SORCS3: variants seen among roughly 807,000 people sequenced by gnomAD.
SORCS3 encodes VPS10 domain-containing receptor SorCS3.
Under a neutral mutation model 146.3 loss-of-function variants are expected in SORCS3, and 57 were observed. The observed-to-expected ratio is 0.39, with a 90% CI of 0.31 to 0.49. The LOEUF (loss-of-function observed/expected upper bound fraction) is 0.49. Among genes scored for constraint, SORCS3 ranks in the 20% least tolerant of loss-of-function variants. The pLI is 0.92. For synonymous variants in SORCS3, 653 were observed against 618.5 expected, an observed-to-expected ratio of 1.06 and a Z score of -0.83; for missense variants, 1,341 against 1,575.5, an observed-to-expected ratio of 0.85 and a Z score of 2.52.
At chr10:104,809,958 C>A (rs1026486651) in intron 1 of SORCS3, among the ~76,000 whole-genome samples, 5 of 152,204 alleles carry the variant, frequency 3.3e-5, no homozygotes, top group Admixed American at 2.0e-4. Flanking sequence ...GAAGCCTCAG[C>A]CCCCTGGGAT....
At chr10:104,878,161 G>C (rs931692875) in intron 2 of SORCS3, among the ~76,000 whole-genome samples, 3 of 152,008 alleles carry the variant, frequency 2.0e-5, no homozygotes, top group African/African-American at 4.8e-5. Flanking sequence ...CAATCACTTG[G>C]CCAATATCTG....
chr10:105,166,612 A>T (rs889776234), intron 12 of SORCS3, among the ~76,000 whole-genome samples: 2 of 152,132 alleles, frequency 1.3e-5, no homozygotes, highest in African/African-American at 4.8e-5. Context: ...TGAATGAGTG[A>T]ATGGATGGAT....
chr10:105,184,813 G>A (rs2056465146), intron 14 of SORCS3, among the ~76,000 whole-genome samples: 1 of 151,782 alleles, frequency 6.6e-6, no homozygotes, highest in South Asian at 2.1e-4. Context: ...AGTTTTTTTG[G>A]GTAAGAACAT....
chr10:104,965,498 G>C (rs192056092), intron 3 of SORCS3, among the ~76,000 whole-genome samples: 2 of 152,172 alleles, frequency 1.3e-5, no homozygotes, highest in East Asian at 3.8e-4. Flanking sequence ...CCACCATACT[G>C]TTTTCTGTAG....
At chr10:105,115,033 G>T (rs1156729230) in intron 7 of SORCS3, among the ~76,000 whole-genome samples, 3 of 152,122 alleles carry the variant, frequency 2.0e-5, no homozygotes, top group African/African-American at 4.8e-5. Context: ...ACAGATACTT[G>T]TTGAGCCCTA....
chr10:105,073,592 T>C (rs2055571190), intron 5 of SORCS3, among the ~76,000 whole-genome samples: 1 of 152,144 alleles, frequency 6.6e-6, no homozygotes, highest in African/African-American at 2.4e-5. Flanking sequence ...CACAGAATGT[T>C]AGGCAGCAAG....
intron 22 of SORCS3, among the ~76,000 whole-genome samples, chr10:105,250,990 CTATT>C (rs1463693296): frequency 6.6e-6 from 1 of 152,166 alleles, no homozygotes; most frequent in Non-Finnish European, 1.5e-5. Flanking sequence ...AATCTAGCAA[CTATT>C]TATTTAATTT....
At chr10:104,833,532 C>G (rs528974460) in intron 1 of SORCS3, among the ~76,000 whole-genome samples, 2 of 152,288 alleles carry the variant, frequency 1.3e-5, no homozygotes, top group Non-Finnish European at 2.9e-5. Context: ...TCCTGTCCAT[C>G]TGATGCTTGA....
At chr10:105,186,884 CAA>C (rs35043705) in intron 14 of SORCS3, among the ~76,000 whole-genome samples, 31,340 of 101,122 alleles carry the variant, frequency 0.31, 3,299 homozygotes, top group Middle Eastern at 0.39. Context: ...GACTCCATCT[CAA>C]AAAAAAAAAA....
intron 2 of SORCS3, among the ~76,000 whole-genome samples, chr10:104,847,477 C>T (rs997052729): frequency 2.0e-5 from 3 of 152,174 alleles, no homozygotes; most frequent in Admixed American, 2.0e-4. Context: ...CTAAGCATGA[C>T]TGTTCATCAA....
intron 2 of SORCS3, among the ~76,000 whole-genome samples, chr10:104,859,236 T>C (rs1042969023): frequency 1.3e-5 from 2 of 152,156 alleles, no homozygotes; most frequent in Non-Finnish European, 2.9e-5. Flanking sequence ...GCCCATCTGA[T>C]CTGATAGAGC....
chr10:105,052,950 G>T (rs1341540121), intron 5 of SORCS3, among the ~76,000 whole-genome samples: 1 of 152,126 alleles, frequency 6.6e-6, no homozygotes, highest in African/African-American at 2.4e-5. Context: ...AAATACCACA[G>T]ACTGGTTCCA....
intron 1 of SORCS3, among the ~76,000 whole-genome samples, chr10:104,738,874 C>A (rs1247027490): frequency 6.6e-6 from 1 of 152,144 alleles, no homozygotes; most frequent in Non-Finnish European, 1.5e-5. Flanking sequence ...CCTGCCAATA[C>A]CCACAGGTGA....
intron 16 of SORCS3, among the ~76,000 whole-genome samples, chr10:105,207,986 T>G (rs1269847276): frequency 6.6e-6 from 1 of 152,094 alleles, no homozygotes; most frequent in Non-Finnish European, 1.5e-5. Context: ...ACTGGAGAAT[T>G]TTTGATAAGT....
chr10:104,753,050 C>G (rs2017007453), intron 1 of SORCS3, among the ~76,000 whole-genome samples: 1 of 152,194 alleles, frequency 6.6e-6, no homozygotes, highest in Admixed American at 6.5e-5. Context: ...TTGAACTAAA[C>G]TCTTCTAGTA....
chr10:105,145,408 C>T (rs1193235399), intron 8 of SORCS3, among the ~76,000 whole-genome samples: 1 of 152,074 alleles, frequency 6.6e-6, no homozygotes, highest in African/African-American at 2.4e-5. Context: ...AAAGCATTAA[C>T]CTAATATGCA....
intron 4 of SORCS3, among the ~76,000 whole-genome samples, chr10:104,980,690 C>A (rs2133653704): frequency 6.6e-6 from 1 of 152,216 alleles, no homozygotes; most frequent in South Asian, 2.1e-4. Context: ...CTAGAAATTT[C>A]TTTAGAGTTG....
chr10:104,781,415 C>T (rs946828919), intron 1 of SORCS3, among the ~76,000 whole-genome samples: 2 of 152,178 alleles, frequency 1.3e-5, no homozygotes, highest in Non-Finnish European at 2.9e-5. Context: ...CTTTTCACAT[C>T]AATCACCTCC....
At chr10:105,121,396 A>C (rs1447845477) in intron 7 of SORCS3, among the ~76,000 whole-genome samples, 1 of 152,180 alleles carries the variant, frequency 6.6e-6, no homozygotes, top group Non-Finnish European at 1.5e-5. Flanking sequence ...AAATATAGGT[A>C]ATCACCCATG....
Sources: gnomAD v4.1 joint callset for allele counts (sites outside exome capture counted in the v4.1 genomes callset) on GRCh38, gnomAD v4.1.1 for gene constraint, MANE v1.5 for transcripts, NCBI Gene and HGNC (gene_info 2026-07-23, HGNC 2026-07-21) for gene names.